The following GDAP1 variants were observed in gnomAD, a reference collection of about 807,000 sequenced individuals.
GDAP1 encodes ganglioside induced differentiation associated protein 1.
A neutral mutation model predicts 40.1 loss-of-function variants in GDAP1; 34 were observed. That is an observed-to-expected ratio of 0.85 (90% CI 0.64 to 1.13). GDAP1 has a LOEUF of 1.13. Among genes scored for constraint, GDAP1 ranks in the 50% most tolerant of loss-of-function variants. The pLI is 0.00. For synonymous variants in GDAP1, 170 were observed against 157.4 expected (o/e 1.08, Z -0.60); for missense variants, 374 against 433.7 (o/e 0.86, Z 1.22).
Position 74,403,867 on chromosome 8 carries a change from T to C in GDAP1, c.165+52546T>C, listed in dbSNP as rs143156580. Among the ~76,000 whole-genome samples the C allele has an allele frequency of 8.8e-4, 133 of 150,368 alleles. 3 individuals are homozygous for C. The East Asian group carries it at 0.016, about 18-fold the overall frequency. Reference sequence around the variant, plus strand: ...CAATACTCAAACTAAGTTGGTGTTATGTATAAAGCTTTGACAGTCTATATC... The same window carrying C: ...CAATACTCAAACTAAGTTGGTGTTACGTATAAAGCTTTGACAGTCTATATC... On this transcript the variant is annotated intron_variant, in intron 2 of 2. Coordinates refer to the GDAP1 transcript ENST00000523640.
intron 2 of GDAP1, among the ~76,000 whole-genome samples, chr8:74,442,227 C>A (rs1806170773): frequency 6.6e-6 from 1 of 152,204 alleles, no homozygotes; most frequent in Non-Finnish European, 1.5e-5. Context: ...CGGGGAAATA[C>A]TTTGGCCTTT....
intron 2 of GDAP1, among the ~76,000 whole-genome samples, chr8:74,457,606 G>A (rs568134362): frequency 1.0e-3 from 152 of 152,214 alleles, no homozygotes; most frequent in African/African-American, 3.5e-3. Context: ...GATTTCAACA[G>A]ATGTAAAGGA....
Position 74,361,937 on chromosome 8 carries a change from G to C in GDAP1, c.538G>C (p.Asp180His). ...ELKKLAEENPDLQEAYIAKQK... is the reference protein window; with the variant it reads ...ELKKLAEENPHLQEAYIAKQK... ...GAAGAAACTTGCTGAAGAAAACCCAGATTTACAAGAAGCATACATTGCAAA... is the reference window on the plus strand; with the variant it reads ...GAAGAAACTTGCTGAAGAAAACCCACATTTACAAGAAGCATACATTGCAAA... Residue 180 changes from aspartate to histidine, a missense_variant, in exon 4 of 6, where the codon GAT (aspartate) becomes CAT (histidine). Coordinates refer to ENST00000220822, the MANE Select transcript of GDAP1 (RefSeq NM_018972.4). 6.2e-7 allele frequency: 1 copy of C among 1,609,510 alleles called. No individual in the cohort carries two copies. Among genetic ancestry groups the C allele is most frequent in the Middle Eastern group, 1.7e-4 (1 of 6,056 alleles).
intron 2 of GDAP1, among the ~76,000 whole-genome samples, chr8:74,441,387 T>G (rs1806160939): frequency 6.6e-6 from 1 of 152,130 alleles, no homozygotes; most frequent in African/African-American, 2.4e-5. Flanking sequence ...ACATATAGAT[T>G]TAGCAGCTAA....
chr8:74,422,963 C>CAG (rs1805896941), intron 2 of GDAP1, among the ~76,000 whole-genome samples: 1 of 150,488 alleles, frequency 6.6e-6, no homozygotes. Flanking sequence ...ATAACATCAT[C>CAG]AGTTCATCTA....
chr8:74,383,451 G>T (rs888780666), intron 2 of GDAP1, among the ~76,000 whole-genome samples: 1 of 152,226 alleles, frequency 6.6e-6, no homozygotes, highest in Admixed American at 6.5e-5. Flanking sequence ...TCTTGAGAGA[G>T]AAGGACCTGG....
At chr8:74,392,587 A>T (rs1008524472) in intron 2 of GDAP1, among the ~76,000 whole-genome samples, 9 of 152,198 alleles carry the variant, frequency 5.9e-5, no homozygotes, top group African/African-American at 1.9e-4. Context: ...AGAAGTAGTA[A>T]CCCGTTAACA....
At position 74,364,210 on chromosome 8, in the gene GDAP1, C is replaced by T; in HGVS notation, c.920C>T (p.Thr307Ile). 1.9e-6 allele frequency: 3 copies of T among 1,614,204 alleles called. No homozygotes were observed. The highest frequency in any genetic ancestry group is 2.7e-5 in the African/African-American group (2 of 75,052). The change falls in exon 6 of 6, where the codon ACA (threonine) becomes ATA (isoleucine). Residue 307 changes from threonine (T) to isoleucine (I), a missense_variant. Physicochemically the swap from Thr to Ile is moderately conservative, Grantham distance 89 (BLOSUM62 -1). Transcript: ENST00000220822. The part of the protein sequence containing the change: ...NNILISAVLP[T>I]AFRVAKKRAP... Reference sequence around the variant, plus strand: ...ATATTAATCTCTGCAGTGCTGCCAACAGCATTCCGGGTGGCCAAGAAAAGG... The same window carrying T: ...ATATTAATCTCTGCAGTGCTGCCAATAGCATTCCGGGTGGCCAAGAAAAGG...
chr8:74,401,183 G>T (rs1333971015), intron 2 of GDAP1, among the ~76,000 whole-genome samples: 1 of 148,952 alleles, frequency 6.7e-6, no homozygotes, highest in Non-Finnish European at 1.5e-5. Flanking sequence ...GTCACTTTCG[G>T]GTACACCAAT....
At position 74,366,256 on chromosome 8, in the gene GDAP1, G is replaced by T. The variant is rs1282743971; in HGVS notation, c.*1889G>T. 1 of 454,242 alleles carries T rather than the reference G, an allele frequency of 2.2e-6. No homozygotes were observed. The highest frequency in any genetic ancestry group is 2.4e-5 in the Admixed American group (1 of 42,514). The allele number at this position is 454,242 out of a possible 1,614,324, so 28.1% of individuals were successfully genotyped here. On this transcript the variant is annotated 3_prime_UTR_variant, in exon 6 of 6. Coordinates refer to ENST00000220822, the MANE Select transcript of GDAP1 (RefSeq NM_018972.4). Reference sequence around the variant, plus strand: ...GGATACTTGAGTTTGTGCTTTTAAGGTGTTTGTTTAGGGATACAATGACCA... The same window carrying T: ...GGATACTTGAGTTTGTGCTTTTAAGTTGTTTGTTTAGGGATACAATGACCA...
intron 2 of GDAP1, among the ~76,000 whole-genome samples, chr8:74,438,658 T>C (rs1806122920): frequency 6.6e-6 from 1 of 152,082 alleles, no homozygotes; most frequent in Non-Finnish European, 1.5e-5. Context: ...TGGAGTGCAG[T>C]GGCATGATCA....
chr8:74,375,457 A>C (rs956849250), intron 2 of GDAP1, among the ~76,000 whole-genome samples: 1 of 152,248 alleles, frequency 6.6e-6, no homozygotes, highest in Non-Finnish European at 1.5e-5. Flanking sequence ...GAGTTCATAT[A>C]ATGGTTGCAA....
At chr8:74,379,530 C>T (rs1350941778) in intron 2 of GDAP1, among the ~76,000 whole-genome samples, 1 of 152,154 alleles carries the variant, frequency 6.6e-6, no homozygotes, top group Non-Finnish European at 1.5e-5. Flanking sequence ...TTTATTGAGA[C>T]ATATGAAGAC....
intron 2 of GDAP1, among the ~76,000 whole-genome samples, chr8:74,463,591 T>G (rs1806430775): frequency 6.6e-6 from 1 of 152,060 alleles, no homozygotes; most frequent in Non-Finnish European, 1.5e-5. Flanking sequence ...AAAGCAGAGG[T>G]TGTTCCTCTG....
intron 2 of GDAP1, among the ~76,000 whole-genome samples, chr8:74,448,951 G>A (rs1051802978): frequency 2.6e-5 from 4 of 151,926 alleles, no homozygotes; most frequent in Non-Finnish European, 5.9e-5. Context: ...TGCTTACTGT[G>A]TTACTGTATT....
intron 2 of GDAP1, among the ~76,000 whole-genome samples, chr8:74,392,744 G>GC (rs1293391869): frequency 6.6e-6 from 1 of 152,216 alleles, no homozygotes; most frequent in Non-Finnish European, 1.5e-5. Context: ...TTATGCCATA[G>GC]AGAGGGCAAC....
intron 2 of GDAP1, among the ~76,000 whole-genome samples, chr8:74,379,876 G>C (rs1563452200): frequency 6.6e-6 from 1 of 152,110 alleles, no homozygotes; most frequent in Non-Finnish European, 1.5e-5. Flanking sequence ...AGATTTTAGG[G>C]GTCAAGTGAT....
At chr8:74,411,818 G>T (rs888475604) in intron 2 of GDAP1, among the ~76,000 whole-genome samples, 1 of 149,360 alleles carries the variant, frequency 6.7e-6, no homozygotes, top group African/African-American at 2.6e-5. Flanking sequence ...GGAGGTCGAG[G>T]CTGTGGTGAG....
chr8:74,425,929 C>G (rs1367725771), intron 2 of GDAP1, among the ~76,000 whole-genome samples: 1 of 152,166 alleles, frequency 6.6e-6, no homozygotes, highest in Non-Finnish European at 1.5e-5. Flanking sequence ...CCCATTTCCT[C>G]CATTTCCAGT....
Sources: allele counts gnomAD v4.1 joint callset (sites outside exome capture counted in the v4.1 genomes callset), GRCh38; gene constraint gnomAD v4.1.1; transcripts MANE v1.5; gene names NCBI Gene and HGNC (gene_info 2026-07-23, HGNC 2026-07-21).